ARNT2: variants seen among roughly 807,000 people sequenced by gnomAD.
The protein encoded by ARNT2 is ARNT protein 2.
ARNT2 carries 36 observed loss-of-function variants against 91.7 expected under a neutral mutation model. That is an observed-to-expected ratio of 0.39 (90% CI 0.30 to 0.52). The LOEUF (loss-of-function observed/expected upper bound fraction) is 0.52. Ranked by LOEUF, ARNT2 falls within the 20% of genes least tolerant of loss-of-function variation. The probability of loss-of-function intolerance (pLI) is 0.72; values close to 1 mark genes in which losing one functional copy is unlikely to be tolerated. For missense variants in ARNT2, 775 were observed against 939.3 expected (o/e 0.83, Z 2.29); for synonymous variants, 365 against 347.1 (o/e 1.05, Z -0.57).
chr15:80,543,780 T>C (rs1157001543), intron 8 of ARNT2, among the ~76,000 whole-genome samples: 1 of 152,148 alleles, frequency 6.6e-6, no homozygotes. Context: ...TTGAGCAGAG[T>C]CTCACTTTGT....
At chr15:80,427,828 T>TCTGC (rs1447563638) in intron 1 of ARNT2, among the ~76,000 whole-genome samples, 2 of 152,266 alleles carry the variant, frequency 1.3e-5, no homozygotes, top group African/African-American at 4.8e-5. Flanking sequence ...TCGATAATTC[T>TCTGC]CTGCCACTCT....
intron 3 of ARNT2, among the ~76,000 whole-genome samples, chr15:80,461,643 C>G (rs1896555143): frequency 1.3e-5 from 2 of 151,862 alleles, no homozygotes; most frequent in South Asian, 4.2e-4. Context: ...TCACCCCCTG[C>G]AGAGGCTGTC....
At chr15:80,533,527 A>G (rs1304228363) in intron 8 of ARNT2, among the ~76,000 whole-genome samples, 1 of 152,178 alleles carries the variant, frequency 6.6e-6, no homozygotes, top group Admixed American at 6.5e-5. Flanking sequence ...GGACTGCAAC[A>G]TGGCCCTACA....
chr15:80,557,306 C>G (rs762913507), intron 11 of ARNT2, among the ~76,000 whole-genome samples: 15 of 151,904 alleles, frequency 9.9e-5, no homozygotes, highest in Non-Finnish European at 1.8e-4. Flanking sequence ...GGATGATGCC[C>G]CAGGGATCTC....
intron 8 of ARNT2, among the ~76,000 whole-genome samples, chr15:80,528,913 T>C (rs931129126): frequency 6.6e-6 from 1 of 152,244 alleles, no homozygotes; most frequent in African/African-American, 2.4e-5. Context: ...ACAAATCTTT[T>C]TCAAGAAACA....
At chr15:80,446,818 T>C (rs1328513349) in intron 1 of ARNT2, among the ~76,000 whole-genome samples, 1 of 152,240 alleles carries the variant, frequency 6.6e-6, no homozygotes, top group Admixed American at 6.5e-5. Context: ...CGTCCCATTA[T>C]TGGACACTTA....
intron 1 of ARNT2, among the ~76,000 whole-genome samples, chr15:80,427,110 A>G (rs1895944316): frequency 6.6e-6 from 1 of 152,164 alleles, no homozygotes; most frequent in Non-Finnish European, 1.5e-5. Context: ...CACCAGCTCA[A>G]AATTCTTTCT....
At chr15:80,561,207 A>G (rs995098186) in intron 11 of ARNT2, among the ~76,000 whole-genome samples, 15 of 152,048 alleles carry the variant, frequency 9.9e-5, no homozygotes, top group African/African-American at 3.6e-4. Context: ...GGTGAGTCAG[A>G]CCTTCCCTGA....
intron 1 of ARNT2, among the ~76,000 whole-genome samples, chr15:80,437,724 A>G (rs1057440257): frequency 3.9e-5 from 6 of 152,086 alleles, no homozygotes; most frequent in Admixed American, 6.5e-5. Flanking sequence ...TGTGTTCCCA[A>G]TTCCCACGCA....
intron 3 of ARNT2, among the ~76,000 whole-genome samples, chr15:80,458,968 C>A (rs1171408119): frequency 1.3e-5 from 2 of 152,094 alleles, no homozygotes; most frequent in Non-Finnish European, 2.9e-5. Context: ...AGTTCTGGGC[C>A]CCCTGAGTTA....
At chr15:80,518,709 G>A (rs1412593261) in intron 8 of ARNT2, among the ~76,000 whole-genome samples, 1 of 152,164 alleles carries the variant, frequency 6.6e-6, no homozygotes, top group Non-Finnish European at 1.5e-5. Flanking sequence ...ATGGGCCTAT[G>A]TCCTGGGGCT....
chr15:80,416,643 T>C (rs1017603892), intron 1 of ARNT2, among the ~76,000 whole-genome samples: 2 of 152,134 alleles, frequency 1.3e-5, no homozygotes, highest in African/African-American at 4.8e-5. Flanking sequence ...TGTTTGTTTG[T>C]TTTTTTCTTT....
At chr15:80,422,195 T>C (rs1383763365) in intron 1 of ARNT2, among the ~76,000 whole-genome samples, 1 of 152,204 alleles carries the variant, frequency 6.6e-6, no homozygotes, top group Non-Finnish European at 1.5e-5. Context: ...TCAGAATCGA[T>C]GAAAGTCATT....
intron 12 of ARNT2, among the ~76,000 whole-genome samples, chr15:80,572,140 C>A (rs1261973211): frequency 6.6e-6 from 1 of 151,878 alleles, no homozygotes; most frequent in East Asian, 1.9e-4. Flanking sequence ...AAAAACAAAC[C>A]TATTTCCAAG....
rs868349342 is a variant in ARNT2, at chr15:80,578,585, C to T, written c.1613+1620C>T. ...ACAGGGCTCAGGGCAGACAGTCCAGCGTGAGGTGCAGAGCCTGGGTAACGC... is the reference window on the plus strand; with the variant it reads ...ACAGGGCTCAGGGCAGACAGTCCAGTGTGAGGTGCAGAGCCTGGGTAACGC... On this transcript the variant is annotated intron_variant, in intron 15 of 18. Coordinates refer to ENST00000303329, the MANE Select transcript of ARNT2 (RefSeq NM_014862.4). Among the ~76,000 whole-genome samples the T allele has an allele frequency of 6.0e-5, 9 of 150,814 alleles. No homozygotes were observed. In the South Asian group the frequency reaches 6.4e-4, roughly 11 times the overall value.
chr15:80,478,333 A>C (rs1896837048), intron 5 of ARNT2, among the ~76,000 whole-genome samples: 1 of 152,248 alleles, frequency 6.6e-6, no homozygotes, highest in Non-Finnish European at 1.5e-5. Context: ...GGGTGTAGCC[A>C]GCTGGTTCAT....
chr15:80,579,350 T>G (rs1442442264), intron 15 of ARNT2, among the ~76,000 whole-genome samples: 1 of 152,206 alleles, frequency 6.6e-6, no homozygotes, highest in African/African-American at 2.4e-5. Context: ...GTCCCCTTTA[T>G]ATAAGCCACT....
At chr15:80,508,084 C>A in intron 5 of ARNT2, 72 bp from the exon 6 acceptor site, 3 of 1,441,282 alleles carry the variant, frequency 2.1e-6, no homozygotes, top group Non-Finnish European at 2.9e-6. Context: ...GGAGAAAGCA[C>A]TCCCCGAACT....
Position 80,581,404 on chromosome 15 carries a change from G to A in ARNT2, c.1918G>A (p.Ala640Thr). The change falls in exon 17 of 19, where the codon GCT becomes ACT. Residue 640 changes from alanine (A) to threonine (T), a missense_variant and splice_region_variant. By Grantham distance (58) the Ala-to-Thr change is moderately conservative. Transcript: ENST00000303329. ...SSLANRTPGF[A>T]ESGQSSGQFQ... ...TCTTGCCAACAGGACTCCAGGGTTC[G>A]GTAGGTGGGGAATGAGGGAGTGAGA... is the stretch of plus-strand genomic sequence containing the variant. 6.2e-7 allele frequency: 1 copy of A among 1,614,048 alleles called. No individual in the cohort carries two copies. The highest frequency in any genetic ancestry group is 8.5e-7 in the Non-Finnish European group (1 of 1,179,984).
Sources: gnomAD v4.1 joint callset for allele counts (sites outside exome capture counted in the v4.1 genomes callset) on GRCh38, gnomAD v4.1.1 for gene constraint, MANE v1.5 for transcripts, NCBI Gene and HGNC (gene_info 2026-07-23, HGNC 2026-07-21) for gene names.